The following GABRB1 variants were observed in gnomAD, a reference collection of about 807,000 sequenced individuals.
GABRB1 encodes the protein gamma-aminobutyric acid receptor subunit beta-1.
GABRB1 carries 17 observed loss-of-function variants against 51.6 expected under a neutral mutation model. The observed-to-expected ratio is 0.33, with a 90% confidence interval of 0.23 to 0.49. GABRB1 has a LOEUF of 0.49. GABRB1 is among the 20% of genes least tolerant of loss of function. GABRB1 has a pLI of 0.99. For missense variants in GABRB1, 410 were observed against 600.6 expected, an observed-to-expected ratio of 0.68 and a Z score of 3.32; for synonymous variants, 247 against 218.9, an observed-to-expected ratio of 1.13 and a Z score of -1.14.
At chr4:47,391,112 A>G (rs935328811) in intron 5 of GABRB1, among the ~76,000 whole-genome samples, 18 of 152,142 alleles carry the variant, frequency 1.2e-4, no homozygotes, top group Admixed American at 1.0e-3. Flanking sequence ...GGAGGTGGAG[A>G]TTGCAGTGAG....
intron 4 of GABRB1, among the ~76,000 whole-genome samples, chr4:47,317,016 T>C (rs1381636651): frequency 6.6e-6 from 1 of 151,996 alleles, no homozygotes; most frequent in African/African-American, 2.4e-5. Flanking sequence ...ATTTATTTCA[T>C]TTGTACTTTA....
intron 3 of GABRB1, among the ~76,000 whole-genome samples, chr4:47,059,976 G>T (rs997162931): frequency 6.6e-6 from 1 of 152,034 alleles, no homozygotes; most frequent in Non-Finnish European, 1.5e-5. Flanking sequence ...TTCTGTCAGT[G>T]GTACTATGCA....
chr4:47,305,317 A>G (rs1323794331), intron 4 of GABRB1, among the ~76,000 whole-genome samples: 4 of 152,140 alleles, frequency 2.6e-5, no homozygotes, highest in Non-Finnish European at 5.9e-5. Context: ...TGGACTAAAA[A>G]TGATTTTTAA....
chr4:47,354,987 T>TG (rs1726506299), intron 5 of GABRB1, among the ~76,000 whole-genome samples: 1 of 132,282 alleles, frequency 7.6e-6, no homozygotes, highest in Admixed American at 7.5e-5. Context: ...TTTGTTTTTT[T>TG]TTTTTTTTTT....
intron 4 of GABRB1, among the ~76,000 whole-genome samples, chr4:47,174,909 T>TTTCC (rs142550363): frequency 9.7e-5 from 13 of 134,174 alleles, no homozygotes; most frequent in African/African-American, 3.0e-4. Context: ...TCCTTCCTTC[T>TTTCC]TTCCTTCCTT....
At chr4:47,316,213 A>G (rs890556753) in intron 4 of GABRB1, among the ~76,000 whole-genome samples, 6 of 151,818 alleles carry the variant, frequency 4.0e-5, no homozygotes, top group Admixed American at 3.3e-4. Flanking sequence ...GGTAATTAAT[A>G]TACTATATGC....
At chr4:47,421,929 T>C (rs1407548808) in intron 8 of GABRB1, among the ~76,000 whole-genome samples, 1 of 152,152 alleles carries the variant, frequency 6.6e-6, no homozygotes, top group Admixed American at 6.5e-5. Context: ...GTTCCAGTCC[T>C]TATCTTCTAA....
At chr4:47,111,470 C>T (rs1715207243) in intron 3 of GABRB1, among the ~76,000 whole-genome samples, 2 of 151,800 alleles carry the variant, frequency 1.3e-5, no homozygotes, top group Admixed American at 6.6e-5. Context: ...ATTAATCTTT[C>T]CTAATGGCAC....
chr4:47,202,543 A>G (rs1357957494), intron 4 of GABRB1, among the ~76,000 whole-genome samples: 1 of 152,190 alleles, frequency 6.6e-6, no homozygotes, highest in Admixed American at 6.5e-5. Context: ...ATCCACTTTG[A>G]GTTTTACAGT....
intron 3 of GABRB1, among the ~76,000 whole-genome samples, chr4:47,130,339 G>C (rs913720949): frequency 9.5e-6 from 1 of 105,496 alleles, no homozygotes; most frequent in Non-Finnish European, 2.2e-5. Context: ...GTGTGTGTGT[G>C]TGTGTGTGTG....
chr4:47,027,716 AT>A (rs575325551), upstream of GABRB1, among the ~76,000 whole-genome samples: 861 of 151,834 alleles, frequency 5.7e-3, 10 homozygotes, highest in African/African-American at 0.02. Flanking sequence ...AATTAATGCT[AT>A]ACTTAAGCTA....
intron 4 of GABRB1, among the ~76,000 whole-genome samples, chr4:47,178,552 CATT>C (rs1195530731): frequency 1.6e-4 from 25 of 151,966 alleles, no homozygotes; most frequent in African/African-American, 5.6e-4. Context: ...TGTTATTGCT[CATT>C]ATTTTCAAGT....
intron 3 of GABRB1, among the ~76,000 whole-genome samples, chr4:47,135,059 G>A (rs1716582926): frequency 6.6e-6 from 1 of 152,154 alleles, no homozygotes; most frequent in South Asian, 2.1e-4. Context: ...GTTCAAGGCT[G>A]CAGTGAGCTA....
At chr4:47,096,492 C>T (rs377081292) in intron 3 of GABRB1, among the ~76,000 whole-genome samples, 5 of 152,256 alleles carry the variant, frequency 3.3e-5, no homozygotes, top group South Asian at 2.1e-4. Context: ...AGAATAATGC[C>T]TCCCATCCTG....
chr4:47,209,908 G>A (rs1720289708), intron 4 of GABRB1, among the ~76,000 whole-genome samples: 1 of 151,968 alleles, frequency 6.6e-6, no homozygotes, highest in South Asian at 2.1e-4. Context: ...AGCTTCTGTT[G>A]TGCCCCTTCC....
intron 4 of GABRB1, among the ~76,000 whole-genome samples, chr4:47,228,836 C>T (rs1035621432): frequency 2.4e-4 from 36 of 152,064 alleles, no homozygotes; most frequent in African/African-American, 8.0e-4. Context: ...CCTGGCTTCA[C>T]TTAACTGAAG....
intron 4 of GABRB1, among the ~76,000 whole-genome samples, chr4:47,182,082 C>T (rs1215974434): frequency 6.6e-6 from 1 of 151,978 alleles, no homozygotes; most frequent in East Asian, 1.9e-4. Flanking sequence ...ATCTGATCCC[C>T]TGTTTTTGCT....
intron 4 of GABRB1, among the ~76,000 whole-genome samples, chr4:47,284,503 G>GA (rs1723432629): frequency 1.3e-5 from 2 of 152,142 alleles, no homozygotes. Flanking sequence ...ATGTAGACAA[G>GA]AATATGTCCA....
chr4:47,253,277 G>T lies in GABRB1; in HGVS notation c.462-66850G>T, dbSNP rs147730017. Among the ~76,000 whole-genome samples, 4 of 152,314 alleles carry T rather than the reference G, an allele frequency of 2.6e-5. No individual in the cohort carries two copies. In the East Asian group the frequency reaches 7.7e-4, roughly 29 times the overall value. ...TAAAAAGGAAGAGAGGTTGTTAGTT[G>T]TTTATGTCAAAGGGGAATCCCATTT... On this transcript the variant is annotated intron_variant, in intron 4 of 8. Transcript: ENST00000295454.
Sources: allele counts gnomAD v4.1 joint callset (sites outside exome capture counted in the v4.1 genomes callset), GRCh38; gene constraint gnomAD v4.1.1; transcripts MANE v1.5; gene names NCBI Gene and HGNC (gene_info 2026-07-23, HGNC 2026-07-21).